The following CNTNAP2 variants were observed in gnomAD, a reference collection of about 807,000 sequenced individuals.
CNTNAP2 encodes the protein contactin-associated protein-like 2.
CNTNAP2 carries 98 observed loss-of-function variants against 155.2 expected under a neutral mutation model. The ratio of observed to expected loss-of-function variants is 0.63; its 90% confidence interval spans 0.54 to 0.75. The LOEUF (loss-of-function observed/expected upper bound fraction) is 0.75. CNTNAP2 is among the 30% of genes least tolerant of loss of function. The probability of loss-of-function intolerance (pLI) is 0.00; values close to 1 mark genes in which losing one functional copy is unlikely to be tolerated. For missense variants in CNTNAP2, 1,727 were observed against 1,688.1 expected, an observed-to-expected ratio of 1.02 and a Z score of -0.40; for synonymous variants, 651 against 631.2, an observed-to-expected ratio of 1.03 and a Z score of -0.47.
At chr7:146,722,571 A>G (rs762167702) in intron 1 of CNTNAP2, among the ~76,000 whole-genome samples, 12 of 152,278 alleles carry the variant, frequency 7.9e-5, no homozygotes, top group East Asian at 1.9e-4. Flanking sequence ...GATGAGGCCA[A>G]TGAAAACTCC....
At chr7:147,221,328 G>A (rs1466830949) in intron 8 of CNTNAP2, among the ~76,000 whole-genome samples, 1 of 152,146 alleles carries the variant, frequency 6.6e-6, no homozygotes, top group African/African-American at 2.4e-5. Context: ...ACTAGAGCAT[G>A]GGAAAGCTCA....
At chr7:146,669,320 T>C (rs1800255592) in intron 1 of CNTNAP2, among the ~76,000 whole-genome samples, 1 of 152,154 alleles carries the variant, frequency 6.6e-6, no homozygotes. Flanking sequence ...TTTGCAGTAG[T>C]TTGACACAAA....
chr7:146,716,652 C>A (rs768818077), intron 1 of CNTNAP2, among the ~76,000 whole-genome samples: 4 of 152,184 alleles, frequency 2.6e-5, no homozygotes, highest in Non-Finnish European at 5.9e-5. Context: ...TGACCTAGAA[C>A]AAGTAACTGA....
At chr7:147,832,618 TTA>T (rs968986243) in intron 13 of CNTNAP2, among the ~76,000 whole-genome samples, 3 of 146,538 alleles carry the variant, frequency 2.0e-5, no homozygotes, top group African/African-American at 7.4e-5. Context: ...TATTATATTT[TTA>T]TATTTTTATA....
At chr7:147,807,986 T>TA (rs59556780) in intron 13 of CNTNAP2, among the ~76,000 whole-genome samples, 4,109 of 146,580 alleles carry the variant, frequency 0.028, 45 homozygotes, top group Middle Eastern at 0.054. Flanking sequence ...CTTTCTTTTT[T>TA]AAAAAAAAAA....
intron 12 of CNTNAP2, among the ~76,000 whole-genome samples, chr7:147,596,830 G>T (rs960521617): frequency 4.6e-5 from 7 of 152,146 alleles, no homozygotes; most frequent in African/African-American, 7.2e-5. Flanking sequence ...GATAAAACAG[G>T]TTGCAGTAAA....
intron 8 of CNTNAP2, chr7:147,162,283 T>A (rs1204457927): frequency 6.6e-6 from 1 of 152,228 alleles, no homozygotes; most frequent in East Asian, 1.9e-4. Flanking sequence ...CTTTAGGTTA[T>A]CTGCAGAGCA....
chr7:147,415,329 C>T (rs1797174304), intron 10 of CNTNAP2, among the ~76,000 whole-genome samples: 1 of 152,200 alleles, frequency 6.6e-6, no homozygotes, highest in Non-Finnish European at 1.5e-5. Flanking sequence ...TAAGGTTAGG[C>T]TTTGTGTCCC....
At chr7:147,046,858 T>A (rs1200107706) in intron 4 of CNTNAP2, among the ~76,000 whole-genome samples, 1 of 151,574 alleles carries the variant, frequency 6.6e-6, no homozygotes, top group African/African-American at 2.4e-5. Flanking sequence ...TGAAACCCCG[T>A]CTCTACTAAA....
chr7:146,664,841 TTTC>T (rs1380894607), intron 1 of CNTNAP2, among the ~76,000 whole-genome samples: 2 of 152,184 alleles, frequency 1.3e-5, no homozygotes, highest in East Asian at 1.9e-4. Flanking sequence ...ATTTAGGCTG[TTTC>T]TTCTTCAGTA....
chr7:147,120,572 A>G (rs1485928812), intron 5 of CNTNAP2, among the ~76,000 whole-genome samples: 2 of 152,142 alleles, frequency 1.3e-5, no homozygotes, highest in Non-Finnish European at 2.9e-5. Context: ...CGTACTTTGA[A>G]CATAAAGTAT....
chr7:146,858,362 A>G (rs771158319), intron 3 of CNTNAP2, among the ~76,000 whole-genome samples: 7 of 152,214 alleles, frequency 4.6e-5, no homozygotes, highest in Non-Finnish European at 1.0e-4. Context: ...TTCCCTGCCA[A>G]CACTGACATT....
chr7:147,985,803 G>A (rs1801609752), intron 15 of CNTNAP2, among the ~76,000 whole-genome samples: 1 of 152,150 alleles, frequency 6.6e-6, no homozygotes, highest in Non-Finnish European at 1.5e-5. Flanking sequence ...ATACATCAGA[G>A]CAGAGGGAGA....
At chr7:146,401,531 C>A (rs913336709) in intron 1 of CNTNAP2, among the ~76,000 whole-genome samples, 1 of 152,082 alleles carries the variant, frequency 6.6e-6, no homozygotes, top group African/African-American at 2.4e-5. Flanking sequence ...CCTTGGAACA[C>A]TTGTACTGTA....
At chr7:146,670,163 C>T (rs987353587) in intron 1 of CNTNAP2, among the ~76,000 whole-genome samples, 1 of 152,162 alleles carries the variant, frequency 6.6e-6, no homozygotes, top group African/African-American at 2.4e-5. Flanking sequence ...AGGCCAAGTA[C>T]ATTCTTTTTG....
At chr7:147,902,814 A>ATGTGTGTGTG (rs71183034) in intron 13 of CNTNAP2, among the ~76,000 whole-genome samples, 3 of 127,326 alleles carry the variant, frequency 2.4e-5, no homozygotes, top group African/African-American at 9.0e-5. Context: ...GTGTGTGTGT[A>ATGTGTGTGTG]TGTGTGTGTG....
At chr7:148,394,704 T>C (rs754994726) in intron 22 of CNTNAP2, among the ~76,000 whole-genome samples, 5 of 152,230 alleles carry the variant, frequency 3.3e-5, no homozygotes, top group Non-Finnish European at 7.3e-5. Context: ...TGGGGGAAAT[T>C]AGCAAATGCA....
At chr7:147,114,566 G>C (rs1800947267) in intron 5 of CNTNAP2, among the ~76,000 whole-genome samples, 1 of 152,150 alleles carries the variant, frequency 6.6e-6, no homozygotes, top group South Asian at 2.1e-4. Flanking sequence ...ATTAGGTAAT[G>C]CCCTTCTTTG....
intron 13 of CNTNAP2, among the ~76,000 whole-genome samples, chr7:147,833,132 T>G (rs1798580730): frequency 6.6e-6 from 1 of 151,434 alleles, no homozygotes; most frequent in South Asian, 2.1e-4. Context: ...CTTAGGTTTT[T>G]TTTTTTTTTC....
Sources: gnomAD v4.1 joint callset for allele counts (sites outside exome capture counted in the v4.1 genomes callset) on GRCh38, gnomAD v4.1.1 for gene constraint, MANE v1.5 for transcripts, NCBI Gene and HGNC (gene_info 2026-07-23, HGNC 2026-07-21) for gene names.